Variants in AQP1 observed in about 807,000 individuals in gnomAD.
AQP1 encodes the protein aquaporin 1 (Colton blood group).
Under a neutral mutation model 19.7 loss-of-function variants are expected in AQP1, and 11 were observed. The ratio of observed to expected loss-of-function variants is 0.56; its 90% CI spans 0.35 to 0.92. The LOEUF is 0.92. AQP1 is among the 40% of genes least tolerant of loss of function. The pLI is 0.01. For missense variants in AQP1, 320 were observed against 369.7 expected (o/e 0.87, Z 1.10); for synonymous variants, 159 against 166.7 (o/e 0.95, Z 0.36).
intron 1 of AQP1, among the ~76,000 whole-genome samples, chr7:30,917,176 C>T (rs1791378301): frequency 6.6e-6 from 1 of 152,228 alleles, no homozygotes; most frequent in Admixed American, 6.5e-5. Context: ...CTTGATTATT[C>T]CTGCTGCTCC....
intron 1 of AQP1, among the ~76,000 whole-genome samples, chr7:30,914,937 A>C (rs1791274644): frequency 6.6e-6 from 1 of 152,200 alleles, no homozygotes; most frequent in Non-Finnish European, 1.5e-5. Flanking sequence ...GGCTAGTTCT[A>C]AGAGCCAAAT....
rs761805297 is a variant in AQP1, at chr7:30,912,316, TG to T, written c.384+30del. ...GACGTGAGTGGGGTGTCCCTGGGCT[TG>T]GGGGGGTTCTAGAATGATGCTGAAA... On this transcript the variant is annotated intron_variant, in intron 1 of 3. Transcript: ENST00000311813. The surrounding 1 kb of genome is among the most constrained non-coding windows in gnomAD (Gnocchi z 4.3). 1.5e-4 allele frequency: 247 copies of T among 1,595,636 alleles called. No homozygotes were observed. The highest frequency in any genetic ancestry group is 1.7e-4 in the Middle Eastern group (1 of 6,038).
intron 1 of AQP1, among the ~76,000 whole-genome samples, chr7:30,919,245 A>G (rs1791434366): frequency 6.6e-6 from 1 of 152,202 alleles, no homozygotes; most frequent in Admixed American, 6.5e-5. Flanking sequence ...ATGCACCCAC[A>G]TAGGCCGCAG....
chr7:30,922,524 T>A (rs1391868526), intron 2 of AQP1, 40 bp from the exon 3 acceptor site: 1 of 1,571,602 alleles, frequency 6.4e-7, no homozygotes, highest in Non-Finnish European at 8.8e-7. Context: ...CACCTATGAC[T>A]CTCTGCCTTC....
Position 30,922,664 on chromosome 7 carries a change from T to C in AQP1, c.630+20T>C. The C allele has an allele frequency of 1.2e-6, 2 of 1,609,050 alleles. No individual in the cohort carries two copies. Among genetic ancestry groups the C allele is most frequent in the Non-Finnish European group, 1.7e-6 (2 of 1,175,864 alleles). ...CACTGGGTAGGAGACCCACGGGGGG[T>C]GGGGTGGGAAGCTTTGGTGTCCCAT... On this transcript the variant is annotated intron_variant, in intron 3 of 3. Coordinates refer to ENST00000311813, the MANE Select transcript of AQP1 (RefSeq NM_198098.4).
chr7:30,920,935 A>G (rs1371688895), intron 1 of AQP1, among the ~76,000 whole-genome samples: 1 of 152,110 alleles, frequency 6.6e-6, no homozygotes, highest in Non-Finnish European at 1.5e-5. Flanking sequence ...GGGCTGGGAA[A>G]ACCTCCAAGG....
intron 1 of AQP1, among the ~76,000 whole-genome samples, chr7:30,916,353 C>A (rs540066413): frequency 6.6e-6 from 1 of 152,352 alleles, no homozygotes; most frequent in South Asian, 2.1e-4. Flanking sequence ...GATGGTACCC[C>A]CACTTAGTCT....
In AQP1 at chr7:30,922,235, G is replaced by A; in HGVS notation, c.549+5G>A. ...GCCCTTGGACACCTCCTGGCTGTGA[G>A]TCAGGGGCCCTCCCAGATGGAGGTG... On this transcript the variant is annotated splice_donor_5th_base_variant and intron_variant, in intron 2 of 3. Transcript: ENST00000311813. 6.3e-7 allele frequency: 1 copy of A among 1,593,562 alleles called. No individual in the cohort carries two copies. The highest frequency in any genetic ancestry group is 8.5e-7 in the Non-Finnish European group (1 of 1,174,742).
In AQP1 at chr7:30,913,833, C is replaced by T. The variant is rs1216806906; in HGVS notation, c.384+1540C>T. Among the ~76,000 whole-genome samples, 5 of 130,718 alleles carry T rather than the reference C, an allele frequency of 3.8e-5. No individual in the cohort carries two copies. The East Asian group carries it at 8.2e-4, about 21-fold the overall frequency. 85.8% of individuals were successfully genotyped at this position (130,718 alleles called of 152,430 possible). A position where few individuals can be genotyped will look rare whatever the true frequency, so the allele number is the denominator to read the frequency against. Reference sequence around the variant, plus strand: ...TACGGGACAGAGCTCAGGCAGGCCACATCAAGCTCTGCCCCCCCAGGCCTC... The same window carrying T: ...TACGGGACAGAGCTCAGGCAGGCCATATCAAGCTCTGCCCCCCCAGGCCTC... On this transcript the variant is annotated intron_variant, in intron 1 of 3. Coordinates refer to ENST00000311813, the MANE Select transcript of AQP1 (RefSeq NM_198098.4).
Position 30,922,657 on chromosome 7 carries a change from CG to C in AQP1, c.630+19del, listed in dbSNP as rs28362736. 2.9e-4 allele frequency: 461 copies of C among 1,611,906 alleles called. No individual in the cohort carries two copies. In the African/African-American group the frequency reaches 5.2e-3, roughly 18 times the overall value. ...CAGCAACCACTGGGTAGGAGACCCA[CG>C]GGGGGTGGGGTGGGAAGCTTTGGTG... On this transcript the variant is annotated intron_variant, in intron 3 of 3. Coordinates refer to ENST00000311813, the MANE Select transcript of AQP1 (RefSeq NM_198098.4).
rs572717959 is a variant in AQP1 at position 30,919,766 on chromosome 7, C to A, written c.385-2300C>A. On this transcript the variant is annotated intron_variant, in intron 1 of 3. Coordinates refer to ENST00000311813, the MANE Select transcript of AQP1 (RefSeq NM_198098.4). Reference sequence around the variant, plus strand: ...TTCCTGGACATTGAGTTTCAACAGGCCTTTGAGTGCCCCTTCCAATTCTGA... The same window carrying A: ...TTCCTGGACATTGAGTTTCAACAGGACTTTGAGTGCCCCTTCCAATTCTGA... 2.6e-5 allele frequency among the ~76,000 whole-genome samples: 4 copies of A among 152,212 alleles called. No homozygotes were observed. The East Asian group carries it at 5.8e-4, about 22-fold the overall frequency.
rs1161101126 is a variant in AQP1 at position 30,912,529 on chromosome 7, C to T, written c.384+236C>T. Among the ~76,000 whole-genome samples, 1 of 152,218 alleles carries T rather than the reference C, an allele frequency of 6.6e-6. No individual in the cohort carries two copies. The highest frequency in any genetic ancestry group is 1.5e-5 in the Non-Finnish European group (1 of 68,038). On this transcript the variant is annotated intron_variant, in intron 1 of 3. Coordinates refer to ENST00000311813, the MANE Select transcript of AQP1 (RefSeq NM_198098.4). This position sits in a 1 kb window ranked among gnomAD's most constrained non-coding sequence, Gnocchi z 4.3. The stretch of plus-strand genomic sequence containing the variant: ...AAGCTGAGATCCAGAGAATAATGGT[C>T]TTGCCAATGTCCCCTGCAGGGCATC...
At position 30,922,661 on chromosome 7, in the gene AQP1, G is replaced by A. The variant is rs1273371163; in HGVS notation, c.630+17G>A. On this transcript the variant is annotated intron_variant, in intron 3 of 3. Transcript: ENST00000311813. ...AACCACTGGGTAGGAGACCCACGGG[G>A]GGTGGGGTGGGAAGCTTTGGTGTCC... The A allele has an allele frequency of 1.7e-5, 28 of 1,610,384 alleles. No homozygotes were observed. Among genetic ancestry groups the A allele is most frequent in the South Asian group, 3.3e-5 (3 of 90,986 alleles).
intron 1 of AQP1, chr7:30,921,295 GT>G (rs1791491905): frequency 7.7e-7 from 1 of 1,298,498 alleles, no homozygotes. Context: ...CATGAGTCAT[GT>G]TTCTAAAAGT....
chr7:30,921,358 G>C, intron 1 of AQP1: 1 of 1,379,196 alleles, frequency 7.3e-7, no homozygotes, highest in Non-Finnish European at 9.3e-7. Flanking sequence ...TATCTGGCCA[G>C]GCAGAGGGAG....
chr7:30,913,745 G>T (rs2128588390), intron 1 of AQP1, among the ~76,000 whole-genome samples: 1 of 152,308 alleles, frequency 6.6e-6, no homozygotes, highest in South Asian at 2.1e-4. Flanking sequence ...GCCCAAGATT[G>T]AAGATTAGCT....
chr7:30,923,660 G>T lies in AQP1; in HGVS notation c.*31G>T. The stretch of plus-strand genomic sequence containing the variant: ...GTCTGGCCCGGGCATCCACGTAGGG[G>T]GCAGGGGCAGGGGCGGGCGGAGGGA... On this transcript the variant is annotated 3_prime_UTR_variant, in exon 4 of 4. Coordinates refer to ENST00000311813, the MANE Select transcript of AQP1 (RefSeq NM_198098.4). This position sits in a 1 kb window ranked among gnomAD's most constrained non-coding sequence, Gnocchi z 4.8. 1 of 1,580,732 alleles carries T rather than the reference G, an allele frequency of 6.3e-7. No individual in the cohort carries two copies. The highest frequency in any genetic ancestry group is 2.3e-5 in the East Asian group (1 of 43,044).
rs1791606204 is a variant in AQP1, at chr7:30,923,949, C to T, written c.*320C>T. On this transcript the variant is annotated 3_prime_UTR_variant, in exon 4 of 4. Transcript: ENST00000311813. The surrounding 1 kb of genome is among the most constrained non-coding windows in gnomAD (Gnocchi z 4.8). Reference sequence around the variant, plus strand: ...ATGATGGGAGGTGTGCCAGAAAGTCCCCCCTCGCCCCAAAGTTGCTCACCG... The same window carrying T: ...ATGATGGGAGGTGTGCCAGAAAGTCTCCCCTCGCCCCAAAGTTGCTCACCG... 1 of 1,415,664 alleles carries T rather than the reference C, an allele frequency of 7.1e-7. No homozygotes were observed. 87.7% of individuals were successfully genotyped at this position (1,415,664 alleles called of 1,614,324 possible). A position where few individuals can be genotyped will look rare whatever the true frequency, so the allele number is the denominator to read the frequency against.
intron 1 of AQP1, among the ~76,000 whole-genome samples, chr7:30,914,977 G>A (rs1791275312): frequency 6.6e-6 from 1 of 152,204 alleles, no homozygotes; most frequent in African/African-American, 2.4e-5. Flanking sequence ...GAGAGGCTCT[G>A]AGGCTGGGGT....
Sources: allele counts gnomAD v4.1 joint callset (sites outside exome capture counted in the v4.1 genomes callset), GRCh38; gene constraint gnomAD v4.1.1; non-coding constraint Gnocchi (gnomAD v3.1); transcripts MANE v1.5; gene names NCBI Gene and HGNC (gene_info 2026-07-23, HGNC 2026-07-21).